BTNL3: variants seen among roughly 807,000 people sequenced by gnomAD.
BTNL3 encodes butyrophilin like 3.
Under a neutral mutation model 40.1 loss-of-function variants are expected in BTNL3, and 20 were observed. That is an observed-to-expected ratio of 0.50 (90% CI 0.35 to 0.72). The LOEUF is 0.72. BTNL3 is among the 30% of genes least tolerant of loss of function. The pLI is 0.01. For missense variants in BTNL3, 449 were observed against 582.2 expected (o/e 0.77, Z 2.35); for synonymous variants, 179 against 222.1 (o/e 0.81, Z 1.73).
Position 181,005,686 on chromosome 5 carries a change from A to C in BTNL3, c.1215A>C (p.Thr405=), listed in dbSNP as rs538557090. ...FISLPPSTPP[T]RVGVFLDYEG... Reference sequence around the variant, plus strand: ...GCCTCCCCCCCAGCACCCCTCCTACACGAGTAGGGGTCTTCCTGGACTATG... The same window carrying C: ...GCCTCCCCCCCAGCACCCCTCCTACCCGAGTAGGGGTCTTCCTGGACTATG... Residue 405 remains threonine (T), a synonymous_variant, in exon 8 of 8, where the codon ACA becomes ACC. Coordinates refer to ENST00000342868, the MANE Select transcript of BTNL3 (RefSeq NM_197975.3). The C allele has an allele frequency of 6.7e-5, 108 of 1,614,020 alleles. 3 individuals carry two copies. In the South Asian group the frequency reaches 1.2e-3, roughly 17 times the overall value.
At chr5:180,996,541 C>T (rs142979496) in intron 2 of BTNL3, among the ~76,000 whole-genome samples, 1 of 136,842 alleles carries the variant, frequency 7.3e-6, no homozygotes, top group African/African-American at 2.5e-5. Flanking sequence ...CACGGCTTGC[C>T]TTGTGCCTTT....
chr5:181,005,855 C>G lies in BTNL3; in HGVS notation c.1384C>G (p.Pro462Ala), dbSNP rs1247620403. 2 of 1,607,178 alleles carry G rather than the reference C, an allele frequency of 1.2e-6. No individual in the cohort carries two copies. Among genetic ancestry groups the G allele is most frequent in the East Asian group, 2.2e-5 (1 of 44,858 alleles). The change falls in exon 8 of 8, where the codon CCA (proline) becomes GCA (alanine). Residue 462 changes from proline to alanine, a missense_variant. Coordinates refer to ENST00000342868, the MANE Select transcript of BTNL3 (RefSeq NM_197975.3). ...EEKGTPIFICPVSWG is the reference protein window; with the variant it reads ...EEKGTPIFICAVSWG ...AAAGGGGACTCCCATATTCATATGT[C>G]CAGTGTCCTGGGGATGAGACAGAGA...
Position 180,993,066 on chromosome 5 carries a change from A to G in BTNL3, c.303A>G (p.Leu101=). ...CAGGGGGGCGTGTCTCTCTAAGGCTAAAAAACATCACTCCCTCGGACATCG... is the reference window on the plus strand; with the variant it reads ...CAGGGGGGCGTGTCTCTCTAAGGCTGAAAAACATCACTCCCTCGGACATCG... ...SIAGGRVSLR[L]KNITPSDIGL... The change falls in exon 2 of 8, where the codon CTA becomes CTG. Residue 101 remains leucine (L), a synonymous_variant. Coordinates refer to ENST00000342868, the MANE Select transcript of BTNL3 (RefSeq NM_197975.3). The G allele has an allele frequency of 6.9e-7, 1 of 1,454,996 alleles. No homozygotes were observed. Among genetic ancestry groups the G allele is most frequent in the South Asian group, 1.1e-5 (1 of 88,408 alleles). 90.1% of individuals were successfully genotyped at this position (1,454,996 alleles called of 1,614,324 possible).
chr5:180,990,805 C>T (rs867787002), intron 1 of BTNL3, among the ~76,000 whole-genome samples: 3 of 136,352 alleles, frequency 2.2e-5, no homozygotes, highest in South Asian at 2.2e-4. Context: ...GTGAAGCCAG[C>T]GGGAGGTAAG....
chr5:180,998,970 T>C (rs1260864586), intron 3 of BTNL3, among the ~76,000 whole-genome samples: 1 of 135,488 alleles, frequency 7.4e-6, no homozygotes, highest in Non-Finnish European at 1.7e-5. Context: ...CTACTAAAAA[T>C]ACAAAAATTA....
rs151209301 is a variant in BTNL3, at chr5:180,994,045, C to A, written c.397+885C>A. 1.5e-3 allele frequency among the ~76,000 whole-genome samples: 204 copies of A among 137,126 alleles called. 47 individuals are homozygous for A. The highest frequency in any genetic ancestry group is 2.4e-3 in the Non-Finnish European group (145 of 59,842). The allele number at this position is 137,126 out of a possible 152,430, so 90.0% of individuals were successfully genotyped here. ...TCTCAAACTCCTGGCCTCAAATGAT[C>A]CCCTGCCTTGGGCTCCCAAAATGCT... On this transcript the variant is annotated intron_variant, in intron 2 of 7. Transcript: ENST00000342868.
chr5:181,006,718 G>T lies in BTNL3; in HGVS notation c.*846G>T, dbSNP rs568631387. 6.6e-6 allele frequency: 1 copy of T among 152,010 alleles called. No homozygotes were observed. The highest frequency in any genetic ancestry group is 6.6e-5 in the Admixed American group (1 of 15,260). The allele number at this position is 152,010 out of a possible 1,614,324, so 9.4% of individuals were successfully genotyped here. ...TTCAGCACATTAATAAAGTAAAAAA[G>T]AAAACCATATGATCATTTCAACGAT... On this transcript the variant is annotated 3_prime_UTR_variant, in exon 8 of 8. Transcript: ENST00000342868.
chr5:181,004,790 G>A (rs1224236427), intron 7 of BTNL3, 28 bp downstream of exon 7: 2 of 1,614,174 alleles, frequency 1.2e-6, no homozygotes, highest in Non-Finnish European at 8.5e-7. Flanking sequence ...GGTAACAGTG[G>A]GCATGGAGTA....
Position 180,997,088 on chromosome 5 carries a change from G to A in BTNL3, c.398-125G>A, listed in dbSNP as rs1470128057. On this transcript the variant is annotated intron_variant, in intron 2 of 7. Coordinates refer to ENST00000342868, the MANE Select transcript of BTNL3 (RefSeq NM_197975.3). ...GACAGAGAGAAAAGGATGTGTGTGT[G>A]TGAGAGAGAGAGAGAGAGAAAAGGA... 14 of 1,249,598 alleles carry A rather than the reference G, an allele frequency of 1.1e-5. 2 individuals are homozygous for A. Among genetic ancestry groups the A allele is most frequent in the Non-Finnish European group, 1.6e-5 (14 of 889,732 alleles). 77.4% of individuals were successfully genotyped at this position (1,249,598 alleles called of 1,614,324 possible).
chr5:180,990,037 G>A (rs1759948341), intron 1 of BTNL3, among the ~76,000 whole-genome samples: 1 of 136,420 alleles, frequency 7.3e-6, no homozygotes, highest in African/African-American at 2.5e-5. Flanking sequence ...GTGAGCGCCT[G>A]TAGTCCCAGC....
intron 7 of BTNL3, among the ~76,000 whole-genome samples, chr5:181,005,108 T>A (rs1760195732): frequency 6.6e-6 from 1 of 151,992 alleles, no homozygotes; most frequent in Non-Finnish European, 1.5e-5. Context: ...ATAGAGGGCT[T>A]ACGTGGGAGG....
At position 181,000,775 on chromosome 5, in the gene BTNL3, C is replaced by T. The variant is rs559584230; in HGVS notation, c.674-1897C>T. On this transcript the variant is annotated intron_variant, in intron 3 of 7. Transcript: ENST00000342868. ...GAGCCGAGATTGCGCCACTGCAGTC[C>T]GCAGTCCGGCCTGGGCGACAGAGCG... 7.5e-5 allele frequency among the ~76,000 whole-genome samples: 10 copies of T among 132,522 alleles called. 3 individuals are homozygous for T. In the East Asian group the frequency reaches 8.7e-4, roughly 12 times the overall value. 86.9% of individuals were successfully genotyped at this position (132,522 alleles called of 152,430 possible). A position where few individuals can be genotyped will look rare whatever the true frequency, so the allele number is the denominator to read the frequency against.
In BTNL3 at chr5:181,002,698, C is replaced by T. The variant is rs1760145027; in HGVS notation, c.700C>T (p.Arg234Cys). The T allele has an allele frequency of 6.9e-7, 1 of 1,455,728 alleles. No homozygotes were observed. The allele number at this position is 1,455,728 out of a possible 1,614,324, so 90.2% of individuals were successfully genotyped here. Residue 234 changes from arginine (R) to cysteine (C), a missense_variant, in exon 4 of 8, where the codon CGC (arginine) becomes TGC (cysteine). Coordinates refer to ENST00000342868, the MANE Select transcript of BTNL3 (RefSeq NM_197975.3). ...GETFFQPSPWRLASILLGLLC... is the reference protein window; with the variant it reads ...GETFFQPSPWCLASILLGLLC... ...GACGTTTTTCCAGCCCTCACCTTGGCGCCTGGCTTCTATTTTACTCGGGTT... is the reference window on the plus strand; with the variant it reads ...GACGTTTTTCCAGCCCTCACCTTGGTGCCTGGCTTCTATTTTACTCGGGTT...
At position 181,004,719 on chromosome 5, in the gene BTNL3, T is replaced by C. The variant is rs754839312; in HGVS notation, c.836-17T>C. 3.7e-6 allele frequency: 6 copies of C among 1,614,198 alleles called. No individual in the cohort carries two copies. The South Asian group carries it at 6.6e-5, about 18-fold the overall frequency. ...CACGTGAGCACGGAACTGCCTGCTC[T>C]CTCTGCTTGCTTTCAGAATTGAGAG... On this transcript the variant is annotated splice_polypyrimidine_tract_variant and intron_variant, in intron 6 of 7. Coordinates refer to ENST00000342868, the MANE Select transcript of BTNL3 (RefSeq NM_197975.3).
rs12332242 is a variant in BTNL3, at chr5:180,997,668, T to C, written c.673+180T>C. ...AACATTTGATAAGGCAGAAGTAGAA[T>C]AGTTTACAATTTCAAGGCAGTAGAA... On this transcript the variant is annotated intron_variant, in intron 3 of 7. Transcript: ENST00000342868. Among the ~76,000 whole-genome samples the C allele has an allele frequency of 1.5e-4, 20 of 136,800 alleles. 1 individual carries two copies. Among genetic ancestry groups the C allele is most frequent in the African/African-American group, 4.8e-4 (19 of 39,632 alleles). 89.7% of individuals were successfully genotyped at this position (136,800 alleles called of 152,430 possible).
chr5:180,992,105 G>A (rs1759978087), intron 1 of BTNL3, among the ~76,000 whole-genome samples: 1 of 136,662 alleles, frequency 7.3e-6, no homozygotes, highest in Non-Finnish European at 1.7e-5. Context: ...TTATTACCTG[G>A]AGTAAAATGT....
chr5:181,003,424 A>G (rs4264912), intron 4 of BTNL3, among the ~76,000 whole-genome samples: 26,228 of 135,796 alleles, frequency 0.19, 6,441 homozygotes, highest in African/African-American at 0.31. Flanking sequence ...AACAAGAGAC[A>G]ATAAGAAAAT....
chr5:181,000,583 G>A (rs1760093180), intron 3 of BTNL3, among the ~76,000 whole-genome samples: 2 of 133,760 alleles, frequency 1.5e-5, no homozygotes, highest in South Asian at 4.4e-4. Context: ...GAGGCAGGTG[G>A]ATCATGAGGT....
chr5:181,002,190 G>A (rs1760122361), intron 3 of BTNL3, among the ~76,000 whole-genome samples: 1 of 132,140 alleles, frequency 7.6e-6, no homozygotes, highest in Non-Finnish European at 1.7e-5. Context: ...AGAACAAAGA[G>A]CCCAGAAACA....
Sources: allele counts gnomAD v4.1 joint callset (sites outside exome capture counted in the v4.1 genomes callset), GRCh38; gene constraint gnomAD v4.1.1; transcripts MANE v1.5; gene names NCBI Gene and HGNC (gene_info 2026-07-23, HGNC 2026-07-21).